The following FREM1 variants were observed in gnomAD, a reference collection of about 807,000 sequenced individuals.
FREM1 encodes the protein FRAS1-related extracellular matrix protein 1.
A neutral mutation model predicts 210.1 loss-of-function variants in FREM1; 220 were observed. The observed-to-expected ratio is 1.05, with a 90% CI of 0.94 to 1.17. The LOEUF (loss-of-function observed/expected upper bound fraction) is 1.17, where lower values mean the gene tolerates loss of function less well. Among genes scored for constraint, FREM1 ranks in the 50% most tolerant of loss-of-function variants. The pLI is 0.00. For synonymous variants in FREM1, 1,189 were observed against 980.2 expected (o/e 1.21, Z -3.98); for missense variants, 3,454 against 2,675.5 (o/e 1.29, Z -6.42).
chr9:14,820,601 A>G (rs985527942), intron 13 of FREM1, among the ~76,000 whole-genome samples: 1 of 152,208 alleles, frequency 6.6e-6, no homozygotes, highest in Non-Finnish European at 1.5e-5. Context: ...TGCTGGTACC[A>G]ACTCCAGGCC....
intron 7 of FREM1, among the ~76,000 whole-genome samples, chr9:14,848,233 C>G (rs1827041684): frequency 6.6e-6 from 1 of 152,170 alleles, no homozygotes; most frequent in Admixed American, 6.5e-5. Context: ...TATTTTAAAG[C>G]AGTTAAAGCT....
chr9:14,773,446 C>G (rs2132559217), intron 25 of FREM1, among the ~76,000 whole-genome samples: 1 of 152,254 alleles, frequency 6.6e-6, no homozygotes, highest in Middle Eastern at 3.4e-3. Flanking sequence ...GCAGAAAAAG[C>G]TCTTGAAGGC....
intron 8 of FREM1, among the ~76,000 whole-genome samples, chr9:14,845,108 T>G (rs1011809896): frequency 6.6e-6 from 1 of 152,232 alleles, no homozygotes; most frequent in African/African-American, 2.4e-5. Context: ...AGAAGATAAT[T>G]GAATTAAATC....
intron 21 of FREM1, among the ~76,000 whole-genome samples, chr9:14,793,196 G>T (rs1189837317): frequency 6.6e-6 from 1 of 152,162 alleles, no homozygotes; most frequent in African/African-American, 2.4e-5. Context: ...CTTGTTTCCA[G>T]TATTTCATTT....
At chr9:14,865,371 T>C (rs1375524781) in intron 2 of FREM1, among the ~76,000 whole-genome samples, 1 of 152,194 alleles carries the variant, frequency 6.6e-6, no homozygotes, top group East Asian at 1.9e-4. Context: ...CCTCATCTAA[T>C]TGACTATATC....
chr9:14,857,888 A>T (rs185787521), intron 4 of FREM1, 139 bp from the exon 5 acceptor site: 71 of 534,590 alleles, frequency 1.3e-4, no homozygotes, highest in African/African-American at 5.7e-5. Flanking sequence ...TCATTCACTG[A>T]GTGGGTTGTC....
Position 14,842,431 on chromosome 9 carries a change from C to T in FREM1, c.1623G>A (p.Gln541=). Residue 541 remains glutamine (Q), a synonymous_variant, in exon 9 of 37, where the codon CAG becomes CAA. Coordinates refer to ENST00000380880, the MANE Select transcript of FREM1 (RefSeq NM_001379081.2). ...ELEEGQTILI[Q]GSMLRASDVD... ...CATCTGAAGCTCGCAGCATGGATCC[C>T]TGGATCAGGATGGTCTGCCCCTCCT... The T allele has an allele frequency of 6.2e-7, 1 of 1,613,986 alleles. No homozygotes were observed. The highest frequency in any genetic ancestry group is 8.5e-7 in the Non-Finnish European group (1 of 1,179,864).
chr9:14,827,184 C>T (rs1006137891), intron 10 of FREM1, among the ~76,000 whole-genome samples: 1 of 149,438 alleles, frequency 6.7e-6, no homozygotes, highest in East Asian at 2.0e-4. Context: ...ACAGAAGAAC[C>T]TCAATCTTCT....
chr9:14,783,195 T>C (rs554605591), intron 24 of FREM1, among the ~76,000 whole-genome samples: 22 of 152,360 alleles, frequency 1.4e-4, no homozygotes, highest in African/African-American at 5.3e-4. Context: ...CAAAAATCAT[T>C]TTAATGCTAA....
chr9:14,884,726 A>G (rs1056250910), intron 1 of FREM1, among the ~76,000 whole-genome samples: 3 of 152,038 alleles, frequency 2.0e-5, no homozygotes, highest in African/African-American at 7.2e-5. Flanking sequence ...AAAAAAATGG[A>G]TCTCAGCTGT....
chr9:14,906,694 G>A (rs962064774), intron 1 of FREM1, among the ~76,000 whole-genome samples: 4 of 152,174 alleles, frequency 2.6e-5, no homozygotes, highest in African/African-American at 9.7e-5. Context: ...TAGAATGAAG[G>A]TAGCATGGCA....
At chr9:14,772,933 T>C (rs1847845263) in intron 25 of FREM1, among the ~76,000 whole-genome samples, 1 of 152,220 alleles carries the variant, frequency 6.6e-6, no homozygotes, top group African/African-American at 2.4e-5. Context: ...TAAATGCCTG[T>C]CGTGATCATG....
At position 14,824,976 on chromosome 9, in the gene FREM1, A is replaced by G. The variant is rs751779893; in HGVS notation, c.1898T>C (p.Ile633Thr). Residue 633 changes from isoleucine to threonine, a missense_variant, in exon 11 of 37, where the codon ATA becomes ACA. Coordinates refer to ENST00000380880, the MANE Select transcript of FREM1 (RefSeq NM_001379081.2). ...TGGAAGCTGGTCATCCACTGGAGTT[A>G]TATGGATTGTTGCCACCTGGAATAA... ...LSVPQVATIH[I>T]TPVDDQLPKE... is the part of the protein sequence containing the mutation. 1 of 1,583,500 alleles carries G rather than the reference A, an allele frequency of 6.3e-7. No homozygotes were observed. The highest frequency in any genetic ancestry group is 1.2e-5 in the South Asian group (1 of 83,356).
chr9:14,852,042 G>A (rs570248950), intron 5 of FREM1, among the ~76,000 whole-genome samples: 2 of 152,242 alleles, frequency 1.3e-5, no homozygotes, highest in South Asian at 4.1e-4. Context: ...AATTAAGTGA[G>A]GACAAATGAA....
intron 1 of FREM1, among the ~76,000 whole-genome samples, chr9:14,890,090 G>A (rs1371305620): frequency 6.6e-6 from 1 of 152,170 alleles, no homozygotes; most frequent in East Asian, 1.9e-4. Context: ...TCACACAAGG[G>A]TACTGTAACC....
rs756103111 is a variant in FREM1, at chr9:14,806,670, T to C, written c.3265A>G (p.Ile1089Val). 18 of 1,582,648 alleles carry C rather than the reference T, an allele frequency of 1.1e-5. No individual in the cohort carries two copies. The Admixed American group carries it at 1.6e-4, about 14-fold the overall frequency. Residue 1089 changes from isoleucine (I) to valine (V), a missense_variant, in exon 18 of 37, where the codon ATA becomes GTA. Transcript: ENST00000380880. ...CGAAGCTACAGCTTACCTATACTTA[T>C]GCCAATATTGCTTTTTTCAAAACCC... is the stretch of plus-strand genomic sequence containing the variant. ...SVGFEKSNIG[I>V]SIDSFQWKDM...
At chr9:14,826,725 A>G (rs532503213) in intron 10 of FREM1, among the ~76,000 whole-genome samples, 2 of 152,314 alleles carry the variant, frequency 1.3e-5, no homozygotes, top group Admixed American at 1.3e-4. Context: ...ATGAGGGTCT[A>G]ATTACCCTCA....
At chr9:14,821,200 C>G (rs1821244383) in intron 13 of FREM1, among the ~76,000 whole-genome samples, 2 of 152,038 alleles carry the variant, frequency 1.3e-5, no homozygotes, top group East Asian at 3.9e-4. Flanking sequence ...TGTGGTGGGT[C>G]TCACTGAAGC....
chr9:14,876,114 C>T (rs62537689), intron 1 of FREM1, among the ~76,000 whole-genome samples: 6 of 151,074 alleles, frequency 4.0e-5, no homozygotes, highest in African/African-American at 1.2e-4. Context: ...TTAGGCTGCT[C>T]GGGGGTCAGG....
Sources: gnomAD v4.1 joint callset for allele counts (sites outside exome capture counted in the v4.1 genomes callset) on GRCh38, gnomAD v4.1.1 for gene constraint, MANE v1.5 for transcripts, NCBI Gene and HGNC (gene_info 2026-07-23, HGNC 2026-07-21) for gene names.